The following C5orf34 variants were observed in gnomAD, a reference collection of about 807,000 sequenced individuals.
C5orf34 encodes uncharacterized protein C5orf34.
In C5orf34, 73 loss-of-function variants were observed where a neutral mutation model predicts 78.4. The observed-to-expected ratio is 0.93, with a 90% CI of 0.77 to 1.13. The LOEUF (loss-of-function observed/expected upper bound fraction) is 1.13. C5orf34 is among the 50% of genes most tolerant of loss of function. The pLI is 0.00. For missense variants in C5orf34, 730 were observed against 732.7 expected, an observed-to-expected ratio of 1.00 and a Z score of 0.04; for synonymous variants, 251 against 246.6, an observed-to-expected ratio of 1.02 and a Z score of -0.17.
intron 10 of C5orf34, among the ~76,000 whole-genome samples, chr5:43,491,599 G>A (rs1212085358): frequency 6.6e-6 from 1 of 152,132 alleles, no homozygotes; most frequent in Non-Finnish European, 1.5e-5. Flanking sequence ...ATTGGCTAGA[G>A]GATTAGTTAA....
At chr5:43,490,571 T>G in intron 11 of C5orf34, 60 bp downstream of exon 11, 1 of 1,111,696 alleles carries the variant, frequency 9.0e-7, no homozygotes, top group Non-Finnish European at 1.3e-6. Context: ...CCATTTGACA[T>G]TTTAATTTTT....
chr5:43,507,937 G>T lies in C5orf34; in HGVS notation c.285+640C>A, dbSNP rs1012686373. 2.0e-5 allele frequency among the ~76,000 whole-genome samples: 3 copies of T among 152,286 alleles called. No individual in the cohort carries two copies. The East Asian group carries it at 5.8e-4, about 29-fold the overall frequency. On this transcript the variant is annotated intron_variant, in intron 3 of 12. Transcript: ENST00000306862. ...ACTAAAAATGCAAGAAATTAGCCGG[G>T]TGTGGTGGCGGGTGCCTGTAGCCCC...
At chr5:43,496,373 T>A in intron 6 of C5orf34, 1 of 1,593,762 alleles carries the variant, frequency 6.3e-7, no homozygotes, top group Non-Finnish European at 8.5e-7. Context: ...CATTTGTAGG[T>A]CAGATGGCCA....
At chr5:43,500,854 G>C (rs989850207) in intron 6 of C5orf34, among the ~76,000 whole-genome samples, 15 of 152,112 alleles carry the variant, frequency 9.9e-5, no homozygotes, top group African/African-American at 3.4e-4. Context: ...ATAAAGTTTG[G>C]TTTCTTACAT....
chr5:43,512,053 G>C (rs1463735942), intron 1 of C5orf34, among the ~76,000 whole-genome samples: 1 of 151,696 alleles, frequency 6.6e-6, no homozygotes, highest in East Asian at 1.9e-4. Context: ...AAAAGAGTTG[G>C]GTTTCATTCA....
At chr5:43,508,474 C>T (rs1030525774) in intron 3 of C5orf34, 103 bp downstream of exon 3, 5 of 672,802 alleles carry the variant, frequency 7.4e-6, no homozygotes, top group Non-Finnish European at 1.1e-5. Flanking sequence ...AGCAATGTAT[C>T]CCCAGGTGTC....
rs566215971 is a variant in C5orf34, at chr5:43,511,867, A to T, written c.-36-2492T>A. On this transcript the variant is annotated intron_variant, in intron 1 of 12. Transcript: ENST00000306862. ...AGAGTCATCACCACTCCCTAATCTCAAGTACCCAGGGACACAAACACTGCG... is the reference window on the plus strand; with the variant it reads ...AGAGTCATCACCACTCCCTAATCTCTAGTACCCAGGGACACAAACACTGCG... Among the ~76,000 whole-genome samples the T allele has an allele frequency of 1.8e-3, 277 of 152,156 alleles. 9 individuals carry two copies. Among genetic ancestry groups the T allele is most frequent in the Middle Eastern group, 3.4e-3 (1 of 294 alleles).
chr5:43,505,667 G>A (rs979233874), intron 4 of C5orf34, 81 bp downstream of exon 4: 54 of 1,391,384 alleles, frequency 3.9e-5, no homozygotes, highest in Non-Finnish European at 4.8e-5. Context: ...CTTGTGAATG[G>A]TATCAGATAA....
chr5:43,498,992 A>AACT (rs1216765233), intron 6 of C5orf34, among the ~76,000 whole-genome samples: 1 of 152,216 alleles, frequency 6.6e-6, no homozygotes, highest in African/African-American at 2.4e-5. Flanking sequence ...GCCATTTATA[A>AACT]ACTGTGCTAA....
At chr5:43,502,934 G>A (rs1051884390) in intron 5 of C5orf34, among the ~76,000 whole-genome samples, 6 of 152,230 alleles carry the variant, frequency 3.9e-5, no homozygotes, top group African/African-American at 1.4e-4. Flanking sequence ...CTATCCCTAA[G>A]AAAAGATGGC....
chr5:43,495,292 A>G (rs1745456962), intron 6 of C5orf34: 1 of 1,609,798 alleles, frequency 6.2e-7, no homozygotes, highest in Non-Finnish European at 8.5e-7. Flanking sequence ...ATTTAGGGCC[A>G]TCTTCCAGCT....
At position 43,508,651 on chromosome 5, in the gene C5orf34, C is replaced by A. The variant is rs1345848962; in HGVS notation, c.211G>T (p.Ala71Ser). 6.2e-7 allele frequency: 1 copy of A among 1,601,866 alleles called. No individual in the cohort carries two copies. The highest frequency in any genetic ancestry group is 2.2e-5 in the East Asian group (1 of 44,762). The change falls in exon 3 of 13, where the codon GCC becomes TCC. Residue 71 changes from alanine to serine, a missense_variant. Physicochemically the swap from Ala to Ser is moderately conservative, Grantham distance 99. Transcript: ENST00000306862. ...GCTGAAGAGTTTCGAAAATCTAGGG[C>A]TCGCTGTAGTTGCTCCTATGAAAAG... is the stretch of plus-strand genomic sequence containing the variant. Reference protein sequence around the residue: ...ISTYREQLQRALDFRNSSATC... With the variant: ...ISTYREQLQRSLDFRNSSATC...
At chr5:43,504,296 C>CAA (rs35842237) in intron 4 of C5orf34, among the ~76,000 whole-genome samples, 1,893 of 96,236 alleles carry the variant, frequency 0.02, 45 homozygotes, top group East Asian at 0.16. Context: ...GAATCCATCT[C>CAA]AAAAAAAAAA....
intron 1 of C5orf34, chr5:43,511,088 C>T: frequency 5.7e-6 from 1 of 175,420 alleles, no homozygotes; most frequent in Non-Finnish European, 1.2e-5. Context: ...CTCTGCCGGG[C>T]CGCGACCCCA....
chr5:43,496,563 C>T, intron 6 of C5orf34: 1 of 707,950 alleles, frequency 1.4e-6, no homozygotes, highest in Non-Finnish European at 2.1e-6. Context: ...TACTCCTATT[C>T]ATTCAAAAGT....
intron 11 of C5orf34, among the ~76,000 whole-genome samples, chr5:43,490,148 T>C (rs1246642788): frequency 6.6e-6 from 1 of 152,170 alleles, no homozygotes; most frequent in Non-Finnish European, 1.5e-5. Flanking sequence ...TCTAGTACCC[T>C]GCACACTGAA....
rs1189968206 is a variant in C5orf34, at chr5:43,487,053, CTG to C, written c.1777_1778del (p.Gln593ValfsTer3). 1 of 1,572,356 alleles carries C rather than the reference CTG, an allele frequency of 6.4e-7. No homozygotes were observed. The highest frequency in any genetic ancestry group is 8.6e-7 in the Non-Finnish European group (1 of 1,161,410). ...ATCCTGGTTTATAATGATCAAAAGA[CTG>C]TTGTTCATTTTTCTTGTTAGAAATC... The part of the protein sequence containing the change: ...NQISNKKNEQ[Q>X]SFDHYKPGSS... On this transcript the variant is annotated frameshift_variant, in exon 13 of 13. Coordinates refer to ENST00000306862, the MANE Select transcript of C5orf34 (RefSeq NM_198566.4). LOFTEE classifies it high-confidence loss of function.
At position 43,506,302 on chromosome 5, in the gene C5orf34, T is replaced by C; in HGVS notation, c.378A>G (p.Thr126=). The C allele has an allele frequency of 6.2e-7, 1 of 1,614,150 alleles. No individual in the cohort carries two copies. The highest frequency in any genetic ancestry group is 8.5e-7 in the Non-Finnish European group (1 of 1,180,032). ...IYMESGIVKI[T]SLDGHAYLCL... Reference sequence around the variant, plus strand: ...AGAGGTATGCATGACCATCTAAAGATGTTATCTTCACAATGCCACTCTCCA... The same window carrying C: ...AGAGGTATGCATGACCATCTAAAGACGTTATCTTCACAATGCCACTCTCCA... The change falls in exon 4 of 13, where the codon ACA becomes ACG. Residue 126 remains threonine, a synonymous_variant. Coordinates refer to ENST00000306862, the MANE Select transcript of C5orf34 (RefSeq NM_198566.4).
At chr5:43,491,958 C>T (rs552066297) in intron 10 of C5orf34, among the ~76,000 whole-genome samples, 1 of 145,044 alleles carries the variant, frequency 6.9e-6, no homozygotes, top group South Asian at 2.2e-4. Flanking sequence ...GAGCCGAGAT[C>T]GTGCCATTGT....
Sources: gnomAD v4.1 joint callset for allele counts (sites outside exome capture counted in the v4.1 genomes callset) on GRCh38, gnomAD v4.1.1 for gene constraint, MANE v1.5 for transcripts, NCBI Gene and HGNC (gene_info 2026-07-23, HGNC 2026-07-21) for gene names.